Variants in RASA1 observed in about 807,000 individuals in gnomAD.
RASA1 encodes RAS p21 protein activator 1.
RASA1 carries 25 observed loss-of-function variants against 132.2 expected under a neutral mutation model. The observed-to-expected ratio is 0.19, with a 90% CI of 0.14 to 0.26. The LOEUF (loss-of-function observed/expected upper bound fraction) is 0.26. Ranked by LOEUF, RASA1 falls within the 10% of genes least tolerant of loss-of-function variation. The probability of loss-of-function intolerance (pLI) is 1.00; values close to 1 mark genes in which losing one functional copy is unlikely to be tolerated. For missense variants in RASA1, 964 were observed against 1,299.2 expected (o/e 0.74, Z 3.97); for synonymous variants, 477 against 449.9 (o/e 1.06, Z -0.76).
At position 87,268,835 on chromosome 5, in the gene RASA1, C is replaced by G; in HGVS notation, c.384C>G (p.Leu128=). The G allele has an allele frequency of 6.2e-7, 1 of 1,614,122 alleles. No homozygotes were observed. The highest frequency in any genetic ancestry group is 8.5e-7 in the Non-Finnish European group (1 of 1,180,032). The change falls in exon 1 of 25, where the codon CTC becomes CTG. Residue 128 remains leucine, a synonymous_variant. Transcript: ENST00000274376. ...KLPTSLLAET[L]GPGGGFPPLP... ...CCACTTCGTTGCTTGCTGAGACTCT[C>G]GGGCCAGGCGGCGGTTTTCCCCCTC... is the stretch of plus-strand genomic sequence containing the variant.
Position 87,333,305 on chromosome 5 carries a change from T to G in RASA1, c.867T>G (p.Pro289=). 1 of 1,613,376 alleles carries G rather than the reference T, an allele frequency of 6.2e-7. No individual in the cohort carries two copies. The stretch of plus-strand genomic sequence containing the variant: ...GAAGGCGTGTACGAGCTATTCTACC[T>G]TACACAAAAGTACCAGACACTGATG... ...EDRRRVRAIL[P]YTKVPDTDEI... The change falls in exon 4 of 25, where the codon CCT becomes CCG. Residue 289 remains proline, a synonymous_variant. Coordinates refer to ENST00000274376, the MANE Select transcript of RASA1 (RefSeq NM_002890.3).
At chr5:87,342,609 G>A (rs1477321393) in intron 6 of RASA1, among the ~76,000 whole-genome samples, 2 of 152,186 alleles carry the variant, frequency 1.3e-5, no homozygotes, top group Admixed American at 6.5e-5. Context: ...CAAGGTACAT[G>A]GAACTGTGTC....
chr5:87,321,799 A>T (rs1756832544), intron 1 of RASA1, among the ~76,000 whole-genome samples: 1 of 152,158 alleles, frequency 6.6e-6, no homozygotes, highest in South Asian at 2.1e-4. Context: ...AATTTTCATG[A>T]CATCAGCACT....
At chr5:87,305,953 G>C (rs1204940632) in intron 1 of RASA1, among the ~76,000 whole-genome samples, 1 of 152,218 alleles carries the variant, frequency 6.6e-6, no homozygotes, top group South Asian at 2.1e-4. Context: ...GTGTTATTAA[G>C]AAGTCAGAAA....
At chr5:87,273,351 C>T (rs879744612) in intron 1 of RASA1, among the ~76,000 whole-genome samples, 5 of 152,102 alleles carry the variant, frequency 3.3e-5, no homozygotes, top group Non-Finnish European at 7.4e-5. Context: ...CTCTCTATTT[C>T]TCTACTATAA....
Position 87,270,187 on chromosome 5 carries a change from A to G in RASA1, c.539+1197A>G, listed in dbSNP as rs1266589957. On this transcript the variant is annotated intron_variant, in intron 1 of 24. Coordinates refer to ENST00000274376, the MANE Select transcript of RASA1 (RefSeq NM_002890.3). The stretch of plus-strand genomic sequence containing the variant: ...AACCCAGGAGGCGGAGGTTGCAGTG[A>G]GCCGAGATCGTGCCGCTGCACTCCA... Among the ~76,000 whole-genome samples, 19 of 147,302 alleles carry G rather than the reference A, an allele frequency of 1.3e-4. No individual in the cohort carries two copies. In the East Asian group the frequency reaches 4.1e-3, roughly 32 times the overall value.
At chr5:87,338,536 A>ATATATTTTTT in intron 5 of RASA1, among the ~76,000 whole-genome samples, 10 of 85,212 alleles carry the variant, frequency 1.2e-4, no homozygotes, top group African/African-American at 4.0e-4. Flanking sequence ...TATATATAAA[A>ATATATTTTTT]TTTTTTTTTT....
chr5:87,329,133 A>G (rs941214001), intron 1 of RASA1, among the ~76,000 whole-genome samples: 8 of 152,058 alleles, frequency 5.3e-5, no homozygotes, highest in African/African-American at 1.9e-4. Context: ...TAATGCTCAG[A>G]TCTTAGAAAG....
intron 15 of RASA1, 35 bp from the exon 16 acceptor site, chr5:87,376,357 CT>C (rs756700247): frequency 7.4e-5 from 119 of 1,610,108 alleles, no homozygotes; most frequent in Non-Finnish European, 9.5e-5. Context: ...ATCGTGTTCT[CT>C]TTTTAAACAA....
chr5:87,311,885 T>C (rs904579607), intron 1 of RASA1, among the ~76,000 whole-genome samples: 3 of 152,234 alleles, frequency 2.0e-5, no homozygotes, highest in African/African-American at 7.2e-5. Context: ...GCACTCTTAT[T>C]AAGCAGGATA....
chr5:87,344,874 T>C (rs1228096878), intron 6 of RASA1, among the ~76,000 whole-genome samples: 1 of 152,014 alleles, frequency 6.6e-6, no homozygotes, highest in African/African-American at 2.4e-5. Flanking sequence ...CTTCCATTCA[T>C]ACTTAGCTCA....
At chr5:87,378,940 A>G (rs1761515210) in intron 18 of RASA1, among the ~76,000 whole-genome samples, 1 of 152,184 alleles carries the variant, frequency 6.6e-6, no homozygotes, top group Non-Finnish European at 1.5e-5. Context: ...GAATTATGAG[A>G]TAACCTCAAC....
chr5:87,333,380 T>C (rs769068364), intron 4 of RASA1, 43 bp downstream of exon 4: 2 of 1,606,462 alleles, frequency 1.2e-6, no homozygotes, highest in South Asian at 2.2e-5. Context: ...TTGAAAGAGC[T>C]AGACTTCGAA....
rs1761216172 is a variant in RASA1 at position 87,374,869 on chromosome 5, A to C, written c.1964A>C (p.Glu655Ala). Residue 655 changes from glutamate (E) to alanine (A), a missense_variant, in exon 15 of 25, where the codon GAA becomes GCA. Transcript: ENST00000274376. The part of the protein sequence containing the change: ...DDLPPDINRF[E>A]ITLSNKTKKS... ...CTTCCTCCTGACATCAATAGATTTG[A>C]AATAACTCTTAGTAATAAAACAAAG... is the stretch of plus-strand genomic sequence containing the variant. 1 of 1,609,650 alleles carries C rather than the reference A, an allele frequency of 6.2e-7. No individual in the cohort carries two copies. The highest frequency in any genetic ancestry group is 1.3e-5 in the African/African-American group (1 of 74,796).
At position 87,391,108 on chromosome 5, in the gene RASA1, T is replaced by C; in HGVS notation, c.*225T>C. On this transcript the variant is annotated 3_prime_UTR_variant, in exon 25 of 25. Coordinates refer to ENST00000274376, the MANE Select transcript of RASA1 (RefSeq NM_002890.3). ...TTGCACTATTTCCACATGGAATCAA[T>C]CTTTAACAACCTCTGAGCCTTGGTG... is the stretch of plus-strand genomic sequence containing the variant. 1.6e-6 allele frequency: 1 copy of C among 620,570 alleles called. No individual in the cohort carries two copies. Among genetic ancestry groups the C allele is most frequent in the Admixed American group, 2.6e-5 (1 of 38,536 alleles). 38.4% of individuals were successfully genotyped at this position (620,570 alleles called of 1,614,324 possible).
At chr5:87,278,477 C>G (rs553928478) in intron 1 of RASA1, among the ~76,000 whole-genome samples, 33 of 151,680 alleles carry the variant, frequency 2.2e-4, no homozygotes, top group Admixed American at 1.1e-3. Context: ...ACCTGGGAGG[C>G]AGAGTTTGCA....
At position 87,332,561 on chromosome 5, in the gene RASA1, G is replaced by T. The variant is rs756902948; in HGVS notation, c.747G>T (p.Leu249=). Residue 249 remains leucine (L), a synonymous_variant, in exon 3 of 25, where the codon CTG becomes CTT. Transcript: ENST00000274376. ...YYIGGRRFSS[L]SDLIGYYSHV... ...TTGGTGGAAGACGTTTTTCTTCACTGTCAGACCTAATAGGTTATTACAGTC... is the reference window on the plus strand; with the variant it reads ...TTGGTGGAAGACGTTTTTCTTCACTTTCAGACCTAATAGGTTATTACAGTC... 5.0e-6 allele frequency: 8 copies of T among 1,608,070 alleles called. No individual in the cohort carries two copies. The South Asian group carries it at 6.6e-5, about 13-fold the overall frequency.
chr5:87,345,664 A>C (rs1211635565), intron 6 of RASA1, among the ~76,000 whole-genome samples: 1 of 152,184 alleles, frequency 6.6e-6, no homozygotes, highest in Non-Finnish European at 1.5e-5. Context: ...TTAAAAATTC[A>C]GTTATATTTT....
chr5:87,285,870 C>T (rs777987294), intron 1 of RASA1, among the ~76,000 whole-genome samples: 7 of 152,120 alleles, frequency 4.6e-5, no homozygotes, highest in African/African-American at 1.4e-4. Flanking sequence ...CTGCCTGCCT[C>T]AGCCTCCCAG....
Sources: gnomAD v4.1 joint callset for allele counts (sites outside exome capture counted in the v4.1 genomes callset) on GRCh38, gnomAD v4.1.1 for gene constraint, MANE v1.5 for transcripts, NCBI Gene and HGNC (gene_info 2026-07-23, HGNC 2026-07-21) for gene names.